PDE1C: variants seen among roughly 807,000 people sequenced by gnomAD.
The protein encoded by PDE1C is phosphodiesterase 1C, also known as dual specificity calcium/calmodulin-dependent 3',5'-cyclic nucleotide phosphodiesterase 1C.
In PDE1C, 62 loss-of-function variants were observed where a neutral mutation model predicts 93.1. That is an observed-to-expected ratio of 0.67 (90% confidence interval 0.54 to 0.82). The LOEUF (loss-of-function observed/expected upper bound fraction) is 0.82. PDE1C is among the 40% of genes least tolerant of loss of function. The pLI, the probability that PDE1C is intolerant of heterozygous loss-of-function variation, is 0.00. For synonymous variants in PDE1C, 325 were observed against 310.1 expected (o/e 1.05, Z -0.50); for missense variants, 742 against 884.6 (o/e 0.84, Z 2.04).
At chr7:31,952,947 A>G (rs561202927) in intron 2 of PDE1C, among the ~76,000 whole-genome samples, 1 of 152,160 alleles carries the variant, frequency 6.6e-6, no homozygotes, top group East Asian at 1.9e-4. Flanking sequence ...AATTTTCTAC[A>G]TGCATCCATC....
chr7:31,773,485 C>G (rs1413671767), intron 17 of PDE1C, among the ~76,000 whole-genome samples: 1 of 152,016 alleles, frequency 6.6e-6, no homozygotes, highest in African/African-American at 2.4e-5. Context: ...CAAACACCAT[C>G]ACTTCACACT....
At chr7:31,723,598 G>A in the PDE1C span, among the ~76,000 whole-genome samples, 5 of 152,110 alleles carry the variant, frequency 3.3e-5, no homozygotes, top group African/African-American at 7.2e-5. Context: ...GAGAGGAGGC[G>A]GAGTCAGGGC....
At chr7:32,403,473 G>A (rs1296709081) in intron 1 of PDE1C, among the ~76,000 whole-genome samples, 1 of 152,150 alleles carries the variant, frequency 6.6e-6, no homozygotes, top group East Asian at 1.9e-4. Context: ...AGCGGGCAGG[G>A]TGTATGTTAA....
At chr7:32,022,276 G>A (rs2128615482) in intron 2 of PDE1C, among the ~76,000 whole-genome samples, 1 of 152,170 alleles carries the variant, frequency 6.6e-6, no homozygotes, top group East Asian at 1.9e-4. Flanking sequence ...AGAGTAGCAA[G>A]AATGTTAAAT....
the PDE1C span, among the ~76,000 whole-genome samples, chr7:31,736,148 T>C: frequency 6.6e-6 from 1 of 152,094 alleles, no homozygotes; most frequent in Non-Finnish European, 1.5e-5. Flanking sequence ...AGTGGGGAGA[T>C]GAACGCCCAT....
chr7:32,207,274 G>A (rs1196078482), intron 2 of PDE1C, among the ~76,000 whole-genome samples: 1 of 151,070 alleles, frequency 6.6e-6, no homozygotes, highest in African/African-American at 2.4e-5. Flanking sequence ...GCCTGATTCC[G>A]TACTGGGCAA....
intron 1 of PDE1C, among the ~76,000 whole-genome samples, chr7:32,305,046 G>A (rs1036964215): frequency 2.6e-5 from 4 of 152,118 alleles, no homozygotes; most frequent in Admixed American, 6.5e-5. Context: ...CAATGAGACC[G>A]GACGTTCTAG....
At chr7:32,078,033 T>A (rs1796448959) in intron 3 of PDE1C, 1 of 985,338 alleles carries the variant, frequency 1.0e-6, no homozygotes, top group African/African-American at 1.7e-5. Context: ...CAACCCAGTA[T>A]AATTAACTTG....
chr7:32,110,068 G>T (rs2128754917), intron 3 of PDE1C, among the ~76,000 whole-genome samples: 1 of 152,240 alleles, frequency 6.6e-6, no homozygotes, highest in East Asian at 1.9e-4. Context: ...CATTCCTCTA[G>T]CTCAGGGGTA....
chr7:31,692,128 ACT>A, the PDE1C span, among the ~76,000 whole-genome samples: 3 of 152,186 alleles, frequency 2.0e-5, no homozygotes, highest in Non-Finnish European at 4.4e-5. Flanking sequence ...TTATTCTGAA[ACT>A]CTCAATGTGT....
chr7:31,850,902 G>C, intron 7 of PDE1C, 161 bp from the exon 8 acceptor site: 2 of 599,420 alleles, frequency 3.3e-6, no homozygotes, highest in South Asian at 3.9e-5. Flanking sequence ...TTCCTGTGAA[G>C]AGACTTGGAG....
chr7:32,368,350 T>C (rs1308669410), intron 1 of PDE1C, among the ~76,000 whole-genome samples: 2 of 152,062 alleles, frequency 1.3e-5, no homozygotes, highest in African/African-American at 2.4e-5. Flanking sequence ...GGTGTTTCTA[T>C]ACACAAAAAA....
chr7:31,772,002 C>T (rs180723777), intron 17 of PDE1C, among the ~76,000 whole-genome samples: 160 of 149,964 alleles, frequency 1.1e-3, no homozygotes, highest in African/African-American at 3.8e-3. Context: ...GCCGAGATAG[C>T]GCCACTGCAC....
intron 1 of PDE1C, among the ~76,000 whole-genome samples, chr7:32,371,462 C>T (rs947954561): frequency 3.9e-5 from 6 of 152,158 alleles, no homozygotes; most frequent in Non-Finnish European, 7.3e-5. Flanking sequence ...CCTGCTTTTG[C>T]TGACCATTAT....
chr7:32,021,316 T>C (rs559882445), intron 2 of PDE1C, among the ~76,000 whole-genome samples: 7 of 152,246 alleles, frequency 4.6e-5, no homozygotes, highest in South Asian at 2.1e-4. Context: ...ATCCAGGGCA[T>C]TGAACTTCTG....
intron 2 of PDE1C, among the ~76,000 whole-genome samples, chr7:32,037,810 C>T (rs1791308137): frequency 6.6e-6 from 1 of 152,128 alleles, no homozygotes; most frequent in Non-Finnish European, 1.5e-5. Flanking sequence ...TCTCACAGTG[C>T]TTGACTACTA....
intron 1 of PDE1C, among the ~76,000 whole-genome samples, chr7:32,286,657 G>A (rs1304937622): frequency 6.6e-6 from 1 of 152,156 alleles, no homozygotes; most frequent in East Asian, 1.9e-4. Context: ...CACTAAGTTA[G>A]AGAGACCAAG....
chr7:32,212,025 CAAAAAAAA>C (rs35827566), intron 1 of PDE1C, among the ~76,000 whole-genome samples: 1 of 81,280 alleles, frequency 1.2e-5, no homozygotes, highest in African/African-American at 4.5e-5. Context: ...GAACCTATCT[CAAAAAAAA>C]AAAAAAAAAA....
chr7:32,032,230 G>A (rs1164866325), intron 2 of PDE1C, among the ~76,000 whole-genome samples: 1 of 152,174 alleles, frequency 6.6e-6, no homozygotes, highest in Non-Finnish European at 1.5e-5. Flanking sequence ...GGAGAGAAGA[G>A]GCTGCCTCAA....
Sources: gnomAD v4.1 joint callset for allele counts (sites outside exome capture counted in the v4.1 genomes callset) on GRCh38, gnomAD v4.1.1 for gene constraint, MANE v1.5 for transcripts, NCBI Gene and HGNC (gene_info 2026-07-23, HGNC 2026-07-21) for gene names.